BRINP3: variants seen among roughly 807,000 people sequenced by gnomAD.
BRINP3 encodes the protein BMP/retinoic acid inducible neural specific 3.
In BRINP3, 19 loss-of-function variants were observed where a neutral mutation model predicts 71.0. That is an observed-to-expected ratio of 0.27 (90% confidence interval 0.19 to 0.39). The LOEUF (loss-of-function observed/expected upper bound fraction) is 0.39, where lower values mean the gene tolerates loss of function less well. Ranked by LOEUF, BRINP3 falls within the 10% of genes least tolerant of loss-of-function variation. The probability of loss-of-function intolerance (pLI) is 1.00; values close to 1 mark genes in which losing one functional copy is unlikely to be tolerated. For missense variants in BRINP3, 959 were observed against 940.8 expected (o/e 1.02, Z -0.25); for synonymous variants, 380 against 337.7 (o/e 1.13, Z -1.37).
intron 2 of BRINP3, among the ~76,000 whole-genome samples, chr1:190,287,814 C>T (rs1663549965): frequency 6.6e-6 from 1 of 152,136 alleles, no homozygotes; most frequent in East Asian, 1.9e-4. Flanking sequence ...TGGTTTATGG[C>T]TAGTTATGCA....
At chr1:190,199,777 A>AAC (rs1654829907) in intron 6 of BRINP3, among the ~76,000 whole-genome samples, 1 of 150,824 alleles carries the variant, frequency 6.6e-6, no homozygotes, top group Non-Finnish European at 1.5e-5. Context: ...ATAGGAAAAA[A>AAC]AAAAAAACAA....
chr1:190,294,930 G>C (rs1664139621), intron 2 of BRINP3, among the ~76,000 whole-genome samples: 1 of 151,762 alleles, frequency 6.6e-6, no homozygotes, highest in Non-Finnish European at 1.5e-5. Flanking sequence ...AGTTCCCTGG[G>C]TTTCTAGGCA....
chr1:190,291,697 C>G (rs1042035624), intron 2 of BRINP3, among the ~76,000 whole-genome samples: 1 of 152,118 alleles, frequency 6.6e-6, no homozygotes, highest in East Asian at 1.9e-4. Context: ...CCCTTGCACA[C>G]AGTTGGTGAG....
chr1:190,157,003 T>C (rs1259957258), intron 7 of BRINP3, among the ~76,000 whole-genome samples: 3 of 152,050 alleles, frequency 2.0e-5, no homozygotes, highest in Non-Finnish European at 4.4e-5. Context: ...TATTTTACTC[T>C]AGTATCTGCT....
At chr1:190,137,266 G>C (rs77520047) in intron 7 of BRINP3, among the ~76,000 whole-genome samples, 1 of 152,030 alleles carries the variant, frequency 6.6e-6, no homozygotes, top group Non-Finnish European at 1.5e-5. Context: ...ATAGATGAAA[G>C]AGAGCAAATA....
At chr1:190,149,056 GAATTT>G (rs1656162944) in intron 7 of BRINP3, among the ~76,000 whole-genome samples, 1 of 152,094 alleles carries the variant, frequency 6.6e-6, no homozygotes, top group South Asian at 2.1e-4. Context: ...CCTCAATTGT[GAATTT>G]AAAGTAAAAC....
chr1:190,109,157 G>A (rs1652453384), intron 7 of BRINP3, among the ~76,000 whole-genome samples: 1 of 151,800 alleles, frequency 6.6e-6, no homozygotes, highest in African/African-American at 2.4e-5. Flanking sequence ...ATCATGTATT[G>A]TCTTTTGATA....
chr1:190,269,715 T>A (rs994061505), intron 3 of BRINP3, among the ~76,000 whole-genome samples: 2 of 152,074 alleles, frequency 1.3e-5, no homozygotes, highest in African/African-American at 4.8e-5. Context: ...TACTTTGCAA[T>A]GACAGAATTT....
At chr1:190,401,898 T>A (rs910259645) in intron 2 of BRINP3, among the ~76,000 whole-genome samples, 1 of 152,006 alleles carries the variant, frequency 6.6e-6, no homozygotes, top group Non-Finnish European at 1.5e-5. Flanking sequence ...ATGCCTTCCA[T>A]TCAAAAACAT....
intron 6 of BRINP3, among the ~76,000 whole-genome samples, chr1:190,210,428 C>G: frequency 6.6e-6 from 1 of 151,970 alleles, no homozygotes; most frequent in Non-Finnish European, 1.5e-5. Context: ...TAAACTGAAT[C>G]TTTGAGTGAA....
chr1:190,446,052 A>G (rs1675200683), intron 2 of BRINP3, among the ~76,000 whole-genome samples: 1 of 152,104 alleles, frequency 6.6e-6, no homozygotes, highest in Non-Finnish European at 1.5e-5. Context: ...ACGATTATAC[A>G]CAATTCTCAT....
chr1:190,468,523 C>T (rs569996096), intron 1 of BRINP3, among the ~76,000 whole-genome samples: 4 of 151,170 alleles, frequency 2.6e-5, no homozygotes, highest in East Asian at 1.9e-4. Context: ...AAGATACATA[C>T]AAAAACCTGC....
chr1:190,259,731 T>C lies in BRINP3; in HGVS notation c.618+5134A>G, dbSNP rs80097174. Among the ~76,000 whole-genome samples, 412 of 152,002 alleles carry C rather than the reference T, an allele frequency of 2.7e-3. 3 individuals carry two copies. Among genetic ancestry groups the C allele is most frequent in the African/African-American group, 9.1e-3 (377 of 41,520 alleles). ...TCTGTTTGCAGATAACATTATCTAA[T>C]AGAAAGTCTCAAAGAAGGCCAGGCA... On this transcript the variant is annotated intron_variant, in intron 4 of 7. Coordinates refer to ENST00000367462, the MANE Select transcript of BRINP3 (RefSeq NM_199051.3).
Position 190,240,596 on chromosome 1 carries a change from G to C in BRINP3, c.619-6119C>G, listed in dbSNP as rs1034294676. Among the ~76,000 whole-genome samples the C allele has an allele frequency of 2.6e-5, 4 of 152,094 alleles. No individual in the cohort carries two copies. The East Asian group carries it at 7.7e-4, about 29-fold the overall frequency. On this transcript the variant is annotated intron_variant, in intron 4 of 7. Transcript: ENST00000367462. ...TTAAAACTCTCAAGTGGGGGTGGGT[G>C]TGATTGCTCAAGCATGTAATCCCAG...
chr1:190,162,991 G>C (rs187628721), intron 6 of BRINP3, among the ~76,000 whole-genome samples: 16 of 152,082 alleles, frequency 1.1e-4, no homozygotes, highest in Non-Finnish European at 2.2e-4. Context: ...TTAAAAAAAT[G>C]ACTAATGATG....
chr1:190,419,983 T>A (rs1017679440), intron 2 of BRINP3, among the ~76,000 whole-genome samples: 2 of 152,142 alleles, frequency 1.3e-5, no homozygotes, highest in South Asian at 4.1e-4. Context: ...ATAATATGTT[T>A]GCAAGCAAGC....
chr1:190,389,295 C>G (rs1183175881), intron 2 of BRINP3, among the ~76,000 whole-genome samples: 2 of 151,666 alleles, frequency 1.3e-5, no homozygotes, highest in African/African-American at 4.8e-5. Flanking sequence ...CTCCATTCCC[C>G]CATTTCTTCC....
chr1:190,327,141 C>A (rs1666633524), intron 2 of BRINP3, among the ~76,000 whole-genome samples: 1 of 150,674 alleles, frequency 6.6e-6, no homozygotes, highest in South Asian at 2.1e-4. Flanking sequence ...TATGGAGAAG[C>A]CCCATCTCTA....
chr1:190,099,127 T>A lies in BRINP3; in HGVS notation c.1192A>T (p.Thr398Ser). 2 of 1,612,848 alleles carry A rather than the reference T, an allele frequency of 1.2e-6. No individual in the cohort carries two copies. The highest frequency in any genetic ancestry group is 2.2e-5 in the East Asian group (1 of 44,836). The change falls in exon 8 of 8, where the codon ACC (threonine) becomes TCC (serine). Residue 398 changes from threonine to serine, a missense_variant. Physicochemically the swap from Thr to Ser is moderately conservative, Grantham distance 58 (BLOSUM62 1). Coordinates refer to ENST00000367462, the MANE Select transcript of BRINP3 (RefSeq NM_199051.3). ...GACTGGATGCGAGTAAGCCAGTAGGTTGAGGTTCTAGAAATACAAAACAGA... is the reference window on the plus strand; with the variant it reads ...GACTGGATGCGAGTAAGCCAGTAGGATGAGGTTCTAGAAATACAAAACAGA... ...LISLPRQRTS[T>S]YWLTRIQSFL...
Sources: allele counts gnomAD v4.1 joint callset (sites outside exome capture counted in the v4.1 genomes callset), GRCh38; gene constraint gnomAD v4.1.1; transcripts MANE v1.5; gene names NCBI Gene and HGNC (gene_info 2026-07-23, HGNC 2026-07-21).